Variants in RANBP2 observed in about 807,000 individuals in gnomAD.
The protein encoded by RANBP2 is E3 SUMO-protein ligase RanBP2.
In RANBP2, 57 loss-of-function variants were observed where a neutral mutation model predicts 303.6. The observed-to-expected ratio is 0.19, with a 90% CI of 0.15 to 0.23. The LOEUF (loss-of-function observed/expected upper bound fraction) is 0.23. Among genes scored for constraint, RANBP2 ranks in the 10% least tolerant of loss-of-function variants. RANBP2 has a pLI of 1.00. For synonymous variants in RANBP2, 1,167 were observed against 1,301.5 expected (o/e 0.90, Z 2.23); for missense variants, 3,138 against 3,780.8 (o/e 0.83, Z 4.46).
chr2:108,739,363 A>G (rs1231661829), intron 6 of RANBP2, among the ~76,000 whole-genome samples: 1 of 152,210 alleles, frequency 6.6e-6, no homozygotes, highest in Non-Finnish European at 1.5e-5. Flanking sequence ...AGATTGTGCC[A>G]CTGCACTCCA....
the RANBP2 span, among the ~76,000 whole-genome samples, chr2:109,070,389 A>C: frequency 6.6e-6 from 1 of 152,188 alleles, no homozygotes; most frequent in Non-Finnish European, 1.5e-5. Flanking sequence ...GGGGTGATAT[A>C]GTTTGGACGT....
chr2:109,344,660 C>T, the RANBP2 span, among the ~76,000 whole-genome samples: 3 of 152,130 alleles, frequency 2.0e-5, no homozygotes, highest in South Asian at 6.2e-4. Context: ...AGATGACAGG[C>T]AAGGCAGTGG....
the RANBP2 span, chr2:109,371,589 G>A: frequency 4.4e-4 from 711 of 1,613,956 alleles, 1 homozygote; most frequent in Non-Finnish European, 5.5e-4. Context: ...ACTGCAGGAC[G>A]AGATTCTGAC....
the RANBP2 span, chr2:108,894,620 A>G: frequency 6.5e-6 from 1 of 152,674 alleles, no homozygotes; most frequent in Non-Finnish European, 1.5e-5. Flanking sequence ...AGTATTGCAG[A>G]ATTATGAATA....
the RANBP2 span, among the ~76,000 whole-genome samples, chr2:109,238,480 TGTGTGTGTGTGTGTGTGTGA>T: frequency 7.3e-4 from 98 of 134,518 alleles, 1 homozygote; most frequent in African/African-American, 3.1e-3. Flanking sequence ...TGTGTGTGTG[TGTGTGTGTGTGTGTGTGTGA>T]GAGTGAGACA....
At chr2:108,855,626 C>T in the RANBP2 span, among the ~76,000 whole-genome samples, 1 of 152,002 alleles carries the variant, frequency 6.6e-6, no homozygotes, top group African/African-American at 2.4e-5. Flanking sequence ...GTTGGTGTTC[C>T]TTGAACTAAA....
At chr2:109,628,806 AT>A in the RANBP2 span, among the ~76,000 whole-genome samples, 2 of 147,856 alleles carry the variant, frequency 1.4e-5, no homozygotes, top group African/African-American at 2.6e-5. Context: ...TATACAGTAG[AT>A]TTTTTTTAAC....
At chr2:108,948,666 C>T in the RANBP2 span, among the ~76,000 whole-genome samples, 1 of 152,070 alleles carries the variant, frequency 6.6e-6, no homozygotes, top group East Asian at 1.9e-4. Context: ...ATCAAACAAC[C>T]AAATATCCTG....
chr2:108,864,236 A>G, the RANBP2 span, among the ~76,000 whole-genome samples: 1 of 152,260 alleles, frequency 6.6e-6, no homozygotes, highest in East Asian at 1.9e-4. Context: ...AGAAGAAGCT[A>G]AGAAAGCAAA....
At chr2:109,369,412 C>T in the RANBP2 span, among the ~76,000 whole-genome samples, 1 of 152,222 alleles carries the variant, frequency 6.6e-6, no homozygotes, top group African/African-American at 2.4e-5. Flanking sequence ...TGGAGGGACG[C>T]TCTGCTAAAT....
chr2:109,518,984 T>C, the RANBP2 span, among the ~76,000 whole-genome samples: 1 of 144,540 alleles, frequency 6.9e-6, no homozygotes, highest in South Asian at 2.2e-4. Context: ...AGTCATGCAA[T>C]ATTGGCTCAC....
At chr2:109,697,323 C>T in the RANBP2 span, among the ~76,000 whole-genome samples, 1 of 152,084 alleles carries the variant, frequency 6.6e-6, no homozygotes, top group African/African-American at 2.4e-5. Flanking sequence ...AACCCTGTCT[C>T]TACTAAAAAT....
the RANBP2 span, among the ~76,000 whole-genome samples, chr2:109,362,248 T>A: frequency 1.3e-5 from 2 of 152,242 alleles, no homozygotes; most frequent in African/African-American, 4.8e-5. Context: ...CTCACAAATG[T>A]TGGTAAATTA....
chr2:109,097,771 G>A, the RANBP2 span, among the ~76,000 whole-genome samples: 1 of 127,438 alleles, frequency 7.8e-6, no homozygotes, highest in Admixed American at 8.5e-5. Flanking sequence ...GTGTGTGTGT[G>A]TCTTCACACT....
At chr2:108,861,295 AT>A in the RANBP2 span, among the ~76,000 whole-genome samples, 1 of 151,160 alleles carries the variant, frequency 6.6e-6, no homozygotes, top group African/African-American at 2.4e-5. Context: ...CATTTCGTCG[AT>A]CCTTATATAG....
At chr2:108,810,885 T>C in the RANBP2 span, among the ~76,000 whole-genome samples, 6 of 152,192 alleles carry the variant, frequency 3.9e-5, no homozygotes, top group Non-Finnish European at 5.9e-5. Flanking sequence ...TGTTCTAGTT[T>C]TCTGTTTCTT....
the RANBP2 span, among the ~76,000 whole-genome samples, chr2:109,239,326 G>C: frequency 6.6e-6 from 1 of 152,156 alleles, no homozygotes; most frequent in Non-Finnish European, 1.5e-5. Context: ...GGCTATAGGA[G>C]TATTTTTGTT....
intron 6 of RANBP2, among the ~76,000 whole-genome samples, chr2:108,737,715 A>ATTT (rs34504601): frequency 1.1e-4 from 14 of 129,224 alleles, no homozygotes; most frequent in Non-Finnish European, 1.5e-4. Context: ...CACCTGGCTA[A>ATTT]TTTTTTTTTT....
chr2:109,611,297 C>A, the RANBP2 span, among the ~76,000 whole-genome samples: 1 of 152,084 alleles, frequency 6.6e-6, no homozygotes, highest in African/African-American at 2.4e-5. Flanking sequence ...AAACTTGACA[C>A]CAAAAGCACA....
Sources: allele counts gnomAD v4.1 joint callset (sites outside exome capture counted in the v4.1 genomes callset), GRCh38; gene constraint gnomAD v4.1.1; transcripts MANE v1.5; gene names NCBI Gene and HGNC (gene_info 2026-07-23, HGNC 2026-07-21).